The following GLDC variants were observed in gnomAD, a reference collection of about 807,000 sequenced individuals.
The protein encoded by GLDC is glycine dehydrogenase (decarboxylating), mitochondrial.
A neutral mutation model predicts 121.3 loss-of-function variants in GLDC; 104 were observed. The ratio of observed to expected loss-of-function variants is 0.86; its 90% confidence interval spans 0.73 to 1.01. The LOEUF (loss-of-function observed/expected upper bound fraction) is 1.01. Ranked by LOEUF, GLDC falls within the 50% of genes least tolerant of loss-of-function variation. GLDC has a pLI of 0.00. For synonymous variants in GLDC, 546 were observed against 480.6 expected (o/e 1.14, Z -1.78); for missense variants, 1,429 against 1,306.6 (o/e 1.09, Z -1.44).
chr9:6,535,136 T>C (rs1817096191), intron 23 of GLDC, among the ~76,000 whole-genome samples: 1 of 152,148 alleles, frequency 6.6e-6, no homozygotes, highest in African/African-American at 2.4e-5. Flanking sequence ...CATCATGCTT[T>C]TATACTATTA....
chr9:6,603,317 G>C (rs1388768807), intron 7 of GLDC, among the ~76,000 whole-genome samples: 1 of 151,708 alleles, frequency 6.6e-6, no homozygotes, highest in Non-Finnish European at 1.5e-5. Flanking sequence ...TTAATAAGAT[G>C]ATTTAAAGTA....
At chr9:6,624,202 G>T (rs566971040) in intron 2 of GLDC, among the ~76,000 whole-genome samples, 39 of 152,340 alleles carry the variant, frequency 2.6e-4, no homozygotes, top group African/African-American at 7.9e-4. Flanking sequence ...AGTGTTACAA[G>T]TTGAATTGTG....
At chr9:6,611,190 A>T (rs1818843868) in intron 3 of GLDC, among the ~76,000 whole-genome samples, 1 of 152,260 alleles carries the variant, frequency 6.6e-6, no homozygotes, top group Non-Finnish European at 1.5e-5. Flanking sequence ...AAGGCAACGT[A>T]AACATGGATT....
chr9:6,584,729 C>G (rs1223560047), intron 15 of GLDC, among the ~76,000 whole-genome samples: 1 of 152,208 alleles, frequency 6.6e-6, no homozygotes, highest in South Asian at 2.1e-4. Flanking sequence ...ATTCCTTTAT[C>G]TAAGCCTAAA....
intron 2 of GLDC, among the ~76,000 whole-genome samples, chr9:6,632,574 A>T (rs1025892491): frequency 6.6e-6 from 1 of 152,238 alleles, no homozygotes; most frequent in Admixed American, 6.5e-5. Flanking sequence ...TGTTTAAGCA[A>T]GGCACAGTGC....
chr9:6,642,644 G>A (rs1819652085), intron 2 of GLDC, among the ~76,000 whole-genome samples: 1 of 152,164 alleles, frequency 6.6e-6, no homozygotes, highest in Admixed American at 6.6e-5. Context: ...AAATTATTCA[G>A]CTGGAACCAA....
intron 2 of GLDC, among the ~76,000 whole-genome samples, chr9:6,635,033 G>C (rs928550954): frequency 6.6e-6 from 1 of 152,050 alleles, no homozygotes; most frequent in African/African-American, 2.4e-5. Context: ...CTAACCACAT[G>C]GTCTATTCAC....
rs771936299 is a variant in GLDC, at chr9:6,534,795, C to T, written c.2839-7G>A. On this transcript the variant is annotated splice_region_variant and splice_polypyrimidine_tract_variant and intron_variant, in intron 23 of 24. Transcript: ENST00000321612. The stretch of plus-strand genomic sequence containing the variant: ...TCAGGGAGTGTGGAGACATCTGAGA[C>T]AGAGACACGGACAGAGGAGGGGTCA... The T allele has an allele frequency of 1.9e-6, 3 of 1,544,962 alleles. No homozygotes were observed. In the Admixed American group the frequency reaches 5.0e-5, roughly 26 times the overall value.
chr9:6,629,445 C>G (rs1432526407), intron 2 of GLDC, among the ~76,000 whole-genome samples: 1 of 152,002 alleles, frequency 6.6e-6, no homozygotes, highest in Non-Finnish European at 1.5e-5. Context: ...GAACTCCTGA[C>G]CTCAGGTGAT....
Position 6,566,003 on chromosome 9 carries a change from G to T in GLDC, c.1851-574C>A, listed in dbSNP as rs1817848452. The T allele has an allele frequency of 2.3e-5, 4 of 174,856 alleles. No individual in the cohort carries two copies. The South Asian group carries it at 5.4e-4, about 24-fold the overall frequency. 10.8% of individuals were successfully genotyped at this position (174,856 alleles called of 1,614,324 possible). On this transcript the variant is annotated intron_variant, in intron 15 of 24. Coordinates refer to ENST00000321612, the MANE Select transcript of GLDC (RefSeq NM_000170.3). Reference sequence around the variant, plus strand: ...ATGCCTGTAATCCTAGCACTTTGGGGGGCCGATGTGGGCAGAGCATTCGAG... The same window carrying T: ...ATGCCTGTAATCCTAGCACTTTGGGTGGCCGATGTGGGCAGAGCATTCGAG...
At chr9:6,571,291 A>T (rs751519089) in intron 15 of GLDC, among the ~76,000 whole-genome samples, 1 of 152,154 alleles carries the variant, frequency 6.6e-6, no homozygotes, top group Non-Finnish European at 1.5e-5. Context: ...GCCTGAAACC[A>T]TGGATGGCAC....
At chr9:6,629,508 C>T (rs917317865) in intron 2 of GLDC, among the ~76,000 whole-genome samples, 1 of 152,092 alleles carries the variant, frequency 6.6e-6, no homozygotes, top group Non-Finnish European at 1.5e-5. Flanking sequence ...ATTACTAGGA[C>T]TAGGTTTTAA....
chr9:6,589,052 C>T (rs965089097), intron 12 of GLDC, 143 bp downstream of exon 12: 20 of 724,224 alleles, frequency 2.8e-5, no homozygotes, highest in Non-Finnish European at 4.8e-5. Flanking sequence ...GGAACGGGAT[C>T]GTTATGAGGA....
At chr9:6,615,388 G>C (rs1189815590) in intron 3 of GLDC, among the ~76,000 whole-genome samples, 1 of 151,252 alleles carries the variant, frequency 6.6e-6, no homozygotes, top group African/African-American at 2.4e-5. Context: ...GATCAGCCTG[G>C]GCAACACAGA....
rs890915491 is a variant in GLDC, at chr9:6,589,287, C to G, written c.1488G>C (p.Leu496=). 6.3e-7 allele frequency: 1 copy of G among 1,599,362 alleles called. No homozygotes were observed. The highest frequency in any genetic ancestry group is 8.6e-7 in the Non-Finnish European group (1 of 1,166,494). The change falls in exon 12 of 25, where the codon CTG becomes CTC. Residue 496 remains leucine, a synonymous_variant. Coordinates refer to ENST00000321612, the MANE Select transcript of GLDC (RefSeq NM_000170.3). ...ACTCCTCTCCCATGCTTTCAGCAACCAGTTCCTGAAGGAGAAACACAGAGA... is the reference window on the plus strand; with the variant it reads ...ACTCCTCTCCCATGCTTTCAGCAACGAGTTCCTGAAGGAGAAACACAGAGA... The part of the protein sequence containing the change: ...WIFGCESSAE[L]VAESMGEECR...
At chr9:6,581,870 G>C (rs997217549) in intron 15 of GLDC, among the ~76,000 whole-genome samples, 4 of 152,088 alleles carry the variant, frequency 2.6e-5, no homozygotes, top group Non-Finnish European at 4.4e-5. Flanking sequence ...CAGTGAAAAG[G>C]AAATTCATGG....
chr9:6,632,331 C>T (rs774609470), intron 2 of GLDC, among the ~76,000 whole-genome samples: 2 of 152,184 alleles, frequency 1.3e-5, no homozygotes, highest in African/African-American at 4.8e-5. Flanking sequence ...TGGAAACCTG[C>T]AGCTATTAAG....
chr9:6,548,011 T>C (rs1448286160), intron 21 of GLDC, among the ~76,000 whole-genome samples: 1 of 151,918 alleles, frequency 6.6e-6, no homozygotes, highest in African/African-American at 2.4e-5. Context: ...GGCGGGTGTA[T>C]GCCTGTGTTC....
chr9:6,626,087 T>C (rs988363718), intron 2 of GLDC, among the ~76,000 whole-genome samples: 2 of 151,816 alleles, frequency 1.3e-5, no homozygotes, highest in Non-Finnish European at 2.9e-5. Context: ...TGCTCAAATG[T>C]GTTTAGATTT....
Sources: gnomAD v4.1 joint callset for allele counts (sites outside exome capture counted in the v4.1 genomes callset) on GRCh38, gnomAD v4.1.1 for gene constraint, MANE v1.5 for transcripts, NCBI Gene and HGNC (gene_info 2026-07-23, HGNC 2026-07-21) for gene names.